Variants in PTPRD observed in about 807,000 individuals in gnomAD.
PTPRD encodes protein tyrosine phosphatase receptor type D, also known as receptor-type tyrosine-protein phosphatase delta.
A neutral mutation model predicts 214.5 loss-of-function variants in PTPRD; 34 were observed. That is an observed-to-expected ratio of 0.16 (90% CI 0.12 to 0.21). The LOEUF (loss-of-function observed/expected upper bound fraction) is 0.21, where lower values mean the gene tolerates loss of function less well. PTPRD is among the 10% of genes least tolerant of loss of function. PTPRD has a pLI of 1.00. For missense variants in PTPRD, 2,545 were observed against 2,398.7 expected, an observed-to-expected ratio of 1.06 and a Z score of -1.27; for synonymous variants, 1,128 against 845.7, an observed-to-expected ratio of 1.33 and a Z score of -5.79.
chr9:8,651,458 G>C (rs908199164), intron 12 of PTPRD, among the ~76,000 whole-genome samples: 1 of 152,136 alleles, frequency 6.6e-6, no homozygotes, highest in African/African-American at 2.4e-5. Context: ...ATAGAGGCTA[G>C]GGTACGATTC....
chr9:9,242,302 T>G (rs1187700550), intron 9 of PTPRD, among the ~76,000 whole-genome samples: 1 of 152,144 alleles, frequency 6.6e-6, no homozygotes, highest in Non-Finnish European at 1.5e-5. Flanking sequence ...TCAACTTTGG[T>G]GAATCTGACA....
intron 7 of PTPRD, among the ~76,000 whole-genome samples, chr9:9,646,473 C>T (rs935239025): frequency 1.3e-5 from 2 of 152,006 alleles, no homozygotes; most frequent in African/African-American, 4.8e-5. Flanking sequence ...TTTCCTCTGT[C>T]TACTATTAAG....
chr9:9,440,636 G>A (rs1214637417), intron 8 of PTPRD, among the ~76,000 whole-genome samples: 2 of 152,184 alleles, frequency 1.3e-5, no homozygotes, highest in African/African-American at 4.8e-5. Context: ...ACCGATGGTA[G>A]ACATTCTTCC....
At chr9:9,111,041 C>A (rs957656309) in intron 10 of PTPRD, among the ~76,000 whole-genome samples, 3 of 151,984 alleles carry the variant, frequency 2.0e-5, no homozygotes, top group Non-Finnish European at 4.4e-5. Flanking sequence ...ATGCCATCTA[C>A]ATCCTCATGG....
In PTPRD at chr9:10,334,993, T is replaced by C. The variant is rs938112138; in HGVS notation, c.-545+5970A>G. On this transcript the variant is annotated intron_variant, in intron 3 of 45. Coordinates refer to ENST00000381196, the MANE Select transcript of PTPRD (RefSeq NM_002839.4). Reference sequence around the variant, plus strand: ...CATGTTCAAGAACAAGAAGACTCAATGTCAACATAACAGTTCTTCCCAAAT... The same window carrying C: ...CATGTTCAAGAACAAGAAGACTCAACGTCAACATAACAGTTCTTCCCAAAT... 5.9e-5 allele frequency among the ~76,000 whole-genome samples: 9 copies of C among 151,906 alleles called. No individual in the cohort carries two copies. The Admixed American group carries it at 5.9e-4, about 10-fold the overall frequency.
At chr9:10,268,976 G>A (rs968889788) in intron 3 of PTPRD, among the ~76,000 whole-genome samples, 13 of 152,078 alleles carry the variant, frequency 8.5e-5, no homozygotes, top group Admixed American at 2.0e-4. Flanking sequence ...TGTCAGTAGC[G>A]CCCTCCAGTG....
intron 2 of PTPRD, among the ~76,000 whole-genome samples, chr9:10,542,561 GTTA>G (rs2059350130): frequency 8.7e-6 from 1 of 114,770 alleles, no homozygotes; most frequent in East Asian, 7.2e-4. Flanking sequence ...TTAATTAATT[GTTA>G]TTATTTCACC....
At chr9:10,104,984 C>T (rs1199381417) in intron 3 of PTPRD, among the ~76,000 whole-genome samples, 1 of 151,766 alleles carries the variant, frequency 6.6e-6, no homozygotes, top group Non-Finnish European at 1.5e-5. Context: ...ACACATTTTT[C>T]TCCCTTTGTA....
At chr9:10,313,563 G>C (rs528504692) in intron 3 of PTPRD, among the ~76,000 whole-genome samples, 1 of 152,020 alleles carries the variant, frequency 6.6e-6, no homozygotes, top group East Asian at 1.9e-4. Context: ...TCAACTTGAA[G>C]ATAAAGTAGC....
At chr9:10,338,321 T>C (rs188110814) in intron 3 of PTPRD, among the ~76,000 whole-genome samples, 2,226 of 151,732 alleles carry the variant, frequency 0.015, 50 homozygotes, top group African/African-American at 0.051. Flanking sequence ...GACTGATTCC[T>C]GAGACAGTTG....
At position 10,447,318 on chromosome 9, in the gene PTPRD, T is replaced by C. The variant is rs532258020; in HGVS notation, c.-599-106301A>G. Among the ~76,000 whole-genome samples the C allele has an allele frequency of 5.3e-5, 8 of 152,128 alleles. No individual in the cohort carries two copies. The South Asian group carries it at 1.4e-3, about 28-fold the overall frequency. ...GGAAGTTAATGAGAAGACTCTATTT[T>C]AGGTTAACCACGTCCTCTGTCATGT... On this transcript the variant is annotated intron_variant, in intron 2 of 45. Transcript: ENST00000381196.
intron 11 of PTPRD, among the ~76,000 whole-genome samples, chr9:8,832,741 G>A (rs1239030049): frequency 6.6e-6 from 1 of 151,886 alleles, no homozygotes; most frequent in Non-Finnish European, 1.5e-5. Context: ...CATTTCTGAA[G>A]GAGGCTGGAT....
chr9:9,665,629 G>T lies in PTPRD; in HGVS notation c.-287+68904C>A, dbSNP rs189735059. 2.7e-3 allele frequency among the ~76,000 whole-genome samples: 416 copies of T among 151,744 alleles called. 2 individuals carry two copies. Among genetic ancestry groups the T allele is most frequent in the African/African-American group, 9.2e-3 (380 of 41,466 alleles). ...AAATTTAGGTCTGTGGAATTTCGAG[G>T]TTCATTCTCTCTCAGCTGTGTCTCC... On this transcript the variant is annotated intron_variant, in intron 7 of 45. Transcript: ENST00000381196.
At chr9:10,190,505 G>A (rs970948109) in intron 3 of PTPRD, among the ~76,000 whole-genome samples, 5 of 149,810 alleles carry the variant, frequency 3.3e-5, no homozygotes. Flanking sequence ...ATCACCTGAG[G>A]TCAGGAGTTC....
intron 3 of PTPRD, among the ~76,000 whole-genome samples, chr9:10,141,387 A>C (rs1364952325): frequency 3.3e-5 from 5 of 152,172 alleles, no homozygotes; most frequent in Non-Finnish European, 7.3e-5. Flanking sequence ...TAAGCTGATA[A>C]GCAACTTCAG....
intron 7 of PTPRD, among the ~76,000 whole-genome samples, chr9:9,698,272 GT>G (rs906300232): frequency 5.9e-5 from 9 of 152,122 alleles, no homozygotes; most frequent in African/African-American, 2.2e-4. Context: ...CTGGGTTGGT[GT>G]TTTTACTGGA....
intron 33 of PTPRD, 47 bp from the exon 34 acceptor site, chr9:8,449,884 A>C: frequency 6.3e-7 from 1 of 1,578,304 alleles, no homozygotes; most frequent in Non-Finnish European, 8.7e-7. Context: ...AAATCAATTG[A>C]AACAGATAGA....
At chr9:10,398,475 G>A (rs925105452) in intron 2 of PTPRD, among the ~76,000 whole-genome samples, 2 of 151,796 alleles carry the variant, frequency 1.3e-5, no homozygotes, top group Admixed American at 6.6e-5. Context: ...AGCTTTCAAT[G>A]CATTTTGCTA....
intron 5 of PTPRD, among the ~76,000 whole-genome samples, chr9:9,859,111 C>A (rs544478681): frequency 6.6e-6 from 1 of 152,206 alleles, no homozygotes; most frequent in South Asian, 2.1e-4. Context: ...GTGCAGCACT[C>A]CCCCATGCTC....
Sources: allele counts gnomAD v4.1 joint callset (sites outside exome capture counted in the v4.1 genomes callset), GRCh38; gene constraint gnomAD v4.1.1; transcripts MANE v1.5; gene names NCBI Gene and HGNC (gene_info 2026-07-23, HGNC 2026-07-21).